The following DLG2 variants were observed in gnomAD, a reference collection of about 807,000 sequenced individuals.
DLG2 encodes discs large MAGUK scaffold protein 2, also known as disks large homolog 2.
In DLG2, 45 loss-of-function variants were observed where a neutral mutation model predicts 132.5. That is an observed-to-expected ratio of 0.34 (90% CI 0.27 to 0.44). The LOEUF (loss-of-function observed/expected upper bound fraction) is 0.44. Among genes scored for constraint, DLG2 ranks in the 20% least tolerant of loss-of-function variants. The pLI is 1.00. For missense variants in DLG2, 1,045 were observed against 1,196.9 expected (o/e 0.87, Z 1.87); for synonymous variants, 424 against 419.6 (o/e 1.01, Z -0.13).
intron 4 of DLG2, among the ~76,000 whole-genome samples, chr11:85,195,013 T>G (rs2080921801): frequency 6.6e-6 from 1 of 152,148 alleles, no homozygotes; most frequent in Non-Finnish European, 1.5e-5. Flanking sequence ...TAACAGAAGC[T>G]AAATCTAAAA....
chr11:83,527,449 T>A (rs1306622370), intron 21 of DLG2, among the ~76,000 whole-genome samples: 1 of 152,134 alleles, frequency 6.6e-6, no homozygotes, highest in African/African-American at 2.4e-5. Flanking sequence ...ATGCCGGGCA[T>A]TGTGGGATTC....
At chr11:84,479,563 T>A (rs2099131179) in intron 7 of DLG2, among the ~76,000 whole-genome samples, 2 of 152,156 alleles carry the variant, frequency 1.3e-5, no homozygotes, top group South Asian at 4.1e-4. Flanking sequence ...ATCCAACAGA[T>A]GATTTGTCCT....
At chr11:84,362,132 C>A (rs2098653287) in intron 7 of DLG2, among the ~76,000 whole-genome samples, 1 of 151,884 alleles carries the variant, frequency 6.6e-6, no homozygotes, top group East Asian at 1.9e-4. Context: ...AAACTAGAAA[C>A]CAAACTTAAA....
chr11:84,650,130 A>T (rs1459806809), intron 6 of DLG2, among the ~76,000 whole-genome samples: 1 of 152,092 alleles, frequency 6.6e-6, no homozygotes, highest in East Asian at 1.9e-4. Flanking sequence ...TATTCATTCC[A>T]TCTCCTCAGA....
At chr11:84,571,801 C>T (rs1263776475) in intron 6 of DLG2, among the ~76,000 whole-genome samples, 1 of 151,998 alleles carries the variant, frequency 6.6e-6, no homozygotes, top group Non-Finnish European at 1.5e-5. Flanking sequence ...CTTTAGGGAA[C>T]AGATAGAAAA....
intron 3 of DLG2, among the ~76,000 whole-genome samples, chr11:85,517,377 A>C (rs2094190293): frequency 6.6e-6 from 1 of 152,132 alleles, no homozygotes. Flanking sequence ...GAAACAAGAC[A>C]ATGACTCCTA....
At chr11:84,050,847 T>C (rs1159950308) in intron 11 of DLG2, among the ~76,000 whole-genome samples, 2 of 151,990 alleles carry the variant, frequency 1.3e-5, no homozygotes, top group African/African-American at 4.8e-5. Flanking sequence ...GCATTATTTC[T>C]GAGGGCTCTG....
chr11:84,280,647 C>T lies in DLG2; in HGVS notation c.520-29356G>A, dbSNP rs531879224. Among the ~76,000 whole-genome samples, 10 of 152,142 alleles carry T rather than the reference C, an allele frequency of 6.6e-5. No homozygotes were observed. In the South Asian group the frequency reaches 1.7e-3, roughly 25 times the overall value. On this transcript the variant is annotated intron_variant, in intron 7 of 27. Coordinates refer to ENST00000376104, the MANE Select transcript of DLG2 (RefSeq NM_001142699.3). ...GATTTCATGCTCTGAAAACTGAATC[C>T]CAGATAGTGACTACAGGGGTTGAAC...
chr11:83,920,441 G>A (rs1436398049), intron 15 of DLG2, among the ~76,000 whole-genome samples: 2 of 152,050 alleles, frequency 1.3e-5, no homozygotes, highest in Non-Finnish European at 2.9e-5. Context: ...AGGCAGGCTT[G>A]CACAGCCCTT....
chr11:84,141,975 T>C (rs2094869056), intron 9 of DLG2, among the ~76,000 whole-genome samples: 1 of 152,104 alleles, frequency 6.6e-6, no homozygotes, highest in Non-Finnish European at 1.5e-5. Context: ...ACCCCAAATA[T>C]ATCTGACTTT....
intron 7 of DLG2, among the ~76,000 whole-genome samples, chr11:84,423,901 C>T (rs751047885): frequency 1.3e-5 from 2 of 152,098 alleles, no homozygotes; most frequent in African/African-American, 4.8e-5. Context: ...AATGTACTTA[C>T]CTCCATTAAA....
At chr11:85,289,136 T>C (rs1376737048) in intron 3 of DLG2, among the ~76,000 whole-genome samples, 2 of 152,172 alleles carry the variant, frequency 1.3e-5, no homozygotes, top group Non-Finnish European at 2.9e-5. Context: ...AAAATAACCA[T>C]GATTAAGTCA....
chr11:84,286,860 C>T (rs1238238873), intron 7 of DLG2, among the ~76,000 whole-genome samples: 2 of 152,076 alleles, frequency 1.3e-5, no homozygotes, highest in African/African-American at 2.4e-5. Flanking sequence ...GGGGTTGACG[C>T]CTAAGCTTTC....
At chr11:84,760,295 G>T (rs58193099) in intron 6 of DLG2, among the ~76,000 whole-genome samples, 1 of 152,204 alleles carries the variant, frequency 6.6e-6, no homozygotes, top group African/African-American at 2.4e-5. Context: ...TTTTGATAAA[G>T]GTTCGGCTTT....
At chr11:84,387,911 T>C (rs548795513) in intron 7 of DLG2, among the ~76,000 whole-genome samples, 19 of 152,306 alleles carry the variant, frequency 1.2e-4, no homozygotes, top group African/African-American at 4.6e-4. Flanking sequence ...GACTGGAACC[T>C]TGTTGCCTTG....
At position 83,829,997 on chromosome 11, in the gene DLG2, T is replaced by A. The variant is rs2054012858; in HGVS notation, c.1722+3617A>T. On this transcript the variant is annotated intron_variant, in intron 17 of 27. Coordinates refer to ENST00000376104, the MANE Select transcript of DLG2 (RefSeq NM_001142699.3). ...CACCTATGAGTGAGAACATGCGGTG[T>A]TTCGTTTTCTGTCCTTGCGATAGTT... Among the ~76,000 whole-genome samples, 4 of 152,152 alleles carry A rather than the reference T, an allele frequency of 2.6e-5. 1 individual carries two copies. In the South Asian group the frequency reaches 8.3e-4, roughly 32 times the overall value.
intron 6 of DLG2, among the ~76,000 whole-genome samples, chr11:85,040,247 T>C (rs929217218): frequency 3.9e-5 from 6 of 151,952 alleles, no homozygotes; most frequent in African/African-American, 1.4e-4. Flanking sequence ...TTTTAACCAC[T>C]TCTTGTAGCA....
intron 18 of DLG2, chr11:83,652,061 C>T (rs2070693973): frequency 6.6e-6 from 2 of 302,780 alleles, no homozygotes; most frequent in East Asian, 1.6e-4. Flanking sequence ...ATGCTCTTTT[C>T]TCAGTATAAA....
chr11:85,132,732 T>A (rs2075823330), intron 5 of DLG2: 1 of 456,574 alleles, frequency 2.2e-6, no homozygotes, highest in African/African-American at 2.0e-5. Flanking sequence ...AATAGAAAAA[T>A]GCTGCACACA....
Sources: gnomAD v4.1 joint callset for allele counts (sites outside exome capture counted in the v4.1 genomes callset) on GRCh38, gnomAD v4.1.1 for gene constraint, MANE v1.5 for transcripts, NCBI Gene and HGNC (gene_info 2026-07-23, HGNC 2026-07-21) for gene names.